MBTD1: variants seen among roughly 807,000 people sequenced by gnomAD.
MBTD1 encodes MBT domain-containing protein 1.
In MBTD1, 24 loss-of-function variants were observed where a neutral mutation model predicts 87.8. The ratio of observed to expected loss-of-function variants is 0.27; its 90% CI spans 0.20 to 0.38. The LOEUF (loss-of-function observed/expected upper bound fraction) is 0.38, where lower values mean the gene tolerates loss of function less well. Among genes scored for constraint, MBTD1 ranks in the 10% least tolerant of loss-of-function variants. The pLI is 1.00. For missense variants in MBTD1, 436 were observed against 760.2 expected (o/e 0.57, Z 5.02); for synonymous variants, 237 against 248.6 (o/e 0.95, Z 0.44).
intron 2 of MBTD1, among the ~76,000 whole-genome samples, chr17:51,258,267 A>G (rs1331849610): frequency 1.3e-5 from 2 of 152,192 alleles, no homozygotes; most frequent in East Asian, 1.9e-4. Flanking sequence ...TCACCACATT[A>G]GAGAGTAATA....
chr17:51,244,304 T>G (rs1452088860), intron 2 of MBTD1, among the ~76,000 whole-genome samples: 1 of 152,238 alleles, frequency 6.6e-6, no homozygotes, highest in Non-Finnish European at 1.5e-5. Context: ...ATTATCAGTA[T>G]GAATTCACTA....
chr17:51,199,842 T>G (rs2051358759), intron 12 of MBTD1, among the ~76,000 whole-genome samples: 1 of 151,704 alleles, frequency 6.6e-6, no homozygotes. Flanking sequence ...GTTTTTTTTT[T>G]GAGACAGAGT....
chr17:51,218,411 C>T (rs58122586), intron 5 of MBTD1, among the ~76,000 whole-genome samples: 2 of 151,656 alleles, frequency 1.3e-5, no homozygotes, highest in African/African-American at 4.8e-5. Flanking sequence ...CGCCTGTAGT[C>T]TCAGCTACTT....
intron 2 of MBTD1, among the ~76,000 whole-genome samples, chr17:51,234,655 G>A (rs1355844222): frequency 1.3e-5 from 2 of 152,088 alleles, no homozygotes; most frequent in Non-Finnish European, 2.9e-5. Context: ...GCTTTACTGG[G>A]GAATTCTACT....
intron 2 of MBTD1, among the ~76,000 whole-genome samples, chr17:51,257,955 T>C (rs1384614254): frequency 2.0e-5 from 3 of 150,216 alleles, no homozygotes; most frequent in Non-Finnish European, 3.0e-5. Flanking sequence ...AAGCAATCAG[T>C]ATGGGGTTTT....
At chr17:51,212,817 C>T (rs1323582549) in intron 6 of MBTD1, among the ~76,000 whole-genome samples, 1 of 151,644 alleles carries the variant, frequency 6.6e-6, no homozygotes, top group Non-Finnish European at 1.5e-5. Context: ...AGTGCAGTGG[C>T]GCAATCTCAG....
rs144371666 is a variant in MBTD1 at position 51,204,360 on chromosome 17, G to A, written c.605-435C>T. Among the ~76,000 whole-genome samples the A allele has an allele frequency of 2.5e-3, 372 of 149,626 alleles. 5 individuals are homozygous for A. Among genetic ancestry groups the A allele is most frequent in the African/African-American group, 8.7e-3 (352 of 40,542 alleles). On this transcript the variant is annotated intron_variant, in intron 7 of 16. Transcript: ENST00000586178. ...CAACCTTGGCCTCCTGGGTTCAAGCGATTCTCCTACCTCAGCCTCCTAAGT... is the reference window on the plus strand; with the variant it reads ...CAACCTTGGCCTCCTGGGTTCAAGCAATTCTCCTACCTCAGCCTCCTAAGT...
intron 2 of MBTD1, among the ~76,000 whole-genome samples, chr17:51,232,454 A>G (rs1395474012): frequency 6.6e-6 from 1 of 152,136 alleles, no homozygotes; most frequent in Non-Finnish European, 1.5e-5. Flanking sequence ...AGAACATAAA[A>G]CAAGCATTAT....
chr17:51,193,120 T>C, intron 14 of MBTD1, 104 bp from the exon 15 acceptor site: 1 of 754,202 alleles, frequency 1.3e-6, no homozygotes, highest in Non-Finnish European at 2.2e-6. Flanking sequence ...CTAAATAACA[T>C]AATTATAAAC....
intron 15 of MBTD1, 154 bp downstream of exon 15, chr17:51,192,628 T>G: frequency 1.3e-5 from 18 of 1,340,578 alleles, no homozygotes; most frequent in South Asian, 2.9e-5. Context: ...TCTGATTCTG[T>G]GATATTGTTG....
intron 2 of MBTD1, among the ~76,000 whole-genome samples, chr17:51,258,569 C>G (rs925646493): frequency 3.3e-5 from 5 of 151,588 alleles, no homozygotes; most frequent in Admixed American, 3.3e-4. Flanking sequence ...GACTAGCTTC[C>G]GAGGAACACA....
intron 2 of MBTD1, chr17:51,249,611 T>C (rs370921002): frequency 1.3e-5 from 2 of 152,222 alleles, no homozygotes; most frequent in South Asian, 4.1e-4. Context: ...ATATTTGTCC[T>C]GGCCTTTATG....
At chr17:51,260,746 G>A (rs1226304725), upstream of MBTD1, 5 of 1,584,170 alleles carry the variant, frequency 3.2e-6, no homozygotes, top group African/African-American at 1.3e-5. Flanking sequence ...CGGCCCGGCC[G>A]AGCGCGGCGG....
intron 7 of MBTD1, 44 bp from the exon 8 acceptor site, chr17:51,203,969 T>A: frequency 6.8e-7 from 1 of 1,466,816 alleles, no homozygotes; most frequent in Non-Finnish European, 9.4e-7. Flanking sequence ...AAAATAAAAT[T>A]AAATAAAACA....
rs1202353134 is a variant in MBTD1, at chr17:51,179,483, TTTATATATATATATATATATATATA to T, written c.*1068_*1092del. 2.3e-3 allele frequency: 84 copies of T among 37,052 alleles called. 2 individuals carry two copies. The highest frequency in any genetic ancestry group is 0.011 in the African/African-American group (68 of 6,124). 2.3% of individuals were successfully genotyped at this position (37,052 alleles called of 1,614,324 possible). On this transcript the variant is annotated 3_prime_UTR_variant, in exon 17 of 17. Transcript: ENST00000586178. ...AATCCTGAATACAATTAAAGACAAT[TTTATATATATATATATATATATATA>T]TATATATATATATATATATATATAT...
rs1236535989 is a variant in MBTD1, at chr17:51,177,489, A to G, written c.*3087T>C. On this transcript the variant is annotated 3_prime_UTR_variant, in exon 17 of 17. Transcript: ENST00000586178. ...TTAGTGAATTATTTTCATCTTGTACACAAAGTTATAATTTTAATGCTTTTC... is the reference window on the plus strand; with the variant it reads ...TTAGTGAATTATTTTCATCTTGTACGCAAAGTTATAATTTTAATGCTTTTC... 1 of 152,224 alleles carries G rather than the reference A, an allele frequency of 6.6e-6. No individual in the cohort carries two copies. Among genetic ancestry groups the G allele is most frequent in the African/African-American group, 2.4e-5 (1 of 41,456 alleles). 9.4% of individuals were successfully genotyped at this position (152,224 alleles called of 1,614,324 possible). A position where few individuals can be genotyped will look rare whatever the true frequency, so the allele number is the denominator to read the frequency against.
intron 2 of MBTD1, among the ~76,000 whole-genome samples, chr17:51,235,845 C>G (rs1352127801): frequency 6.6e-6 from 1 of 151,952 alleles, no homozygotes; most frequent in Non-Finnish European, 1.5e-5. Flanking sequence ...CTAGAATAGC[C>G]AAAGCAAATT....
chr17:51,229,871 A>G (rs1280506114), intron 2 of MBTD1, among the ~76,000 whole-genome samples: 1 of 152,094 alleles, frequency 6.6e-6, no homozygotes, highest in Non-Finnish European at 1.5e-5. Flanking sequence ...CTCGTTAACC[A>G]GGATGGTCTC....
rs182786797 is a variant in MBTD1, at chr17:51,197,989, C to T, written c.1225-2628G>A. On this transcript the variant is annotated intron_variant, in intron 12 of 16. Transcript: ENST00000586178. ...GATGACCTCATCCACCCCAGTGCTA[C>T]AATGATGAGCTTCTACACCAGTGAT... 7.2e-5 allele frequency among the ~76,000 whole-genome samples: 11 copies of T among 152,286 alleles called. No individual in the cohort carries two copies. In the East Asian group the frequency reaches 2.1e-3, roughly 29 times the overall value.
Sources: gnomAD v4.1 joint callset for allele counts (sites outside exome capture counted in the v4.1 genomes callset) on GRCh38, gnomAD v4.1.1 for gene constraint, MANE v1.5 for transcripts, NCBI Gene and HGNC (gene_info 2026-07-23, HGNC 2026-07-21) for gene names.